The following ZNF469 variants were observed in gnomAD, a reference collection of about 807,000 sequenced individuals.
The protein encoded by ZNF469 is zinc finger protein 469.
ZNF469 carries 1 observed loss-of-function variant against 1.0 expected under a neutral mutation model. That is an observed-to-expected ratio of 1.00 (90% CI 0.35 to 4.73). ZNF469 has a LOEUF of 4.73. Ranked by LOEUF, ZNF469 falls within the 30% of genes most tolerant of loss-of-function variation. ZNF469 has a pLI of 0.16. For missense variants in ZNF469, 6,100 were observed against 5,356.3 expected, an observed-to-expected ratio of 1.14 and a Z score of -4.33; for synonymous variants, 2,703 against 2,363.4, an observed-to-expected ratio of 1.14 and a Z score of -4.17.
intron 1 of ZNF469, among the ~76,000 whole-genome samples, chr16:88,401,149 C>T (rs1270962031): frequency 1.3e-5 from 2 of 152,166 alleles, no homozygotes; most frequent in Non-Finnish European, 2.9e-5. Context: ...GTTTCTCTCT[C>T]CCATGGGACC....
chr16:88,170,505 A>G, the ZNF469 span, among the ~76,000 whole-genome samples: 1 of 152,186 alleles, frequency 6.6e-6, no homozygotes, highest in Non-Finnish European at 1.5e-5. This position sits in a 1 kb window ranked among gnomAD's most constrained non-coding sequence, Gnocchi z 4.2. Flanking sequence ...CAACTTTTTT[A>G]GATGCCACAT....
chr16:88,305,339 CTCACACACAT>C, the ZNF469 span, among the ~76,000 whole-genome samples: 1 of 151,158 alleles, frequency 6.6e-6, no homozygotes, highest in Non-Finnish European at 1.5e-5. Flanking sequence ...CACGCACACC[CTCACACACAT>C]GCACACACAT....
intron 1 of ZNF469, among the ~76,000 whole-genome samples, chr16:88,422,677 T>C (rs919822856): frequency 1.7e-5 from 2 of 121,202 alleles, no homozygotes; most frequent in Non-Finnish European, 3.4e-5. Flanking sequence ...GGTGGGTAGA[T>C]GGACAGATGG....
the ZNF469 span, among the ~76,000 whole-genome samples, chr16:88,224,701 G>A: frequency 6.6e-6 from 1 of 151,864 alleles, no homozygotes; most frequent in South Asian, 2.1e-4. Flanking sequence ...GTGTGTCTCT[G>A]TGTGTGTGTG....
the ZNF469 span, among the ~76,000 whole-genome samples, chr16:88,215,902 T>C: frequency 6.6e-6 from 1 of 152,174 alleles, no homozygotes; most frequent in Non-Finnish European, 1.5e-5. Context: ...AACCCCACAA[T>C]CCATTCCTAT....
chr16:88,227,724 G>C, the ZNF469 span, among the ~76,000 whole-genome samples: 1 of 152,126 alleles, frequency 6.6e-6, no homozygotes, highest in Non-Finnish European at 1.5e-5. Flanking sequence ...TGGAGACGTT[G>C]TTTCCCGTCA....
At chr16:88,127,972 G>C in the ZNF469 span, among the ~76,000 whole-genome samples, 1 of 152,224 alleles carries the variant, frequency 6.6e-6, no homozygotes, top group Non-Finnish European at 1.5e-5. Context: ...ACAGGCACGA[G>C]GCTTGCCTGT....
chr16:88,318,255 C>G, the ZNF469 span, among the ~76,000 whole-genome samples: 5 of 152,236 alleles, frequency 3.3e-5, no homozygotes, highest in African/African-American at 7.2e-5. Flanking sequence ...TGTGGGTATA[C>G]CAACTGCAAA....
the ZNF469 span, among the ~76,000 whole-genome samples, chr16:88,275,154 G>C: frequency 1.3e-5 from 2 of 152,152 alleles, no homozygotes; most frequent in African/African-American, 4.8e-5. Flanking sequence ...GTGGAGACGG[G>C]AGCCTGCCGC....
chr16:88,431,027 A>G lies in ZNF469; in HGVS notation c.3557A>G (p.Glu1186Gly), dbSNP rs1219799342. The G allele has an allele frequency of 6.5e-7, 1 of 1,545,392 alleles. No individual in the cohort carries two copies. Among genetic ancestry groups the G allele is most frequent in the Non-Finnish European group, 8.7e-7 (1 of 1,146,546 alleles). Residue 1186 changes from glutamate to glycine, a missense_variant, in exon 3 of 3, where the codon GAG (glutamate) becomes GGG (glycine). Transcript: ENST00000565624. Reference sequence around the variant, plus strand: ...CTGGAGACGGGAGCGGCCGCCAGGGAGGGAGGCCCCAAGTGTGCTGATCGC... The same window carrying G: ...CTGGAGACGGGAGCGGCCGCCAGGGGGGGAGGCCCCAAGTGTGCTGATCGC... ...RSLETGAAAR[E>G]GGPKCADRPS...
chr16:88,111,609 C>T, the ZNF469 span, among the ~76,000 whole-genome samples: 4 of 152,102 alleles, frequency 2.6e-5, no homozygotes, highest in Admixed American at 2.0e-4. Context: ...TTAGCTCCCA[C>T]GAATAAGTGA....
chr16:88,331,233 A>G, the ZNF469 span, among the ~76,000 whole-genome samples: 2 of 151,614 alleles, frequency 1.3e-5, no homozygotes, highest in Non-Finnish European at 1.5e-5. Context: ...CACCACCATC[A>G]CCACCATCAC....
chr16:88,300,110 C>G, the ZNF469 span, among the ~76,000 whole-genome samples: 1 of 152,228 alleles, frequency 6.6e-6, no homozygotes, highest in East Asian at 1.9e-4. Context: ...CCTTGATTGC[C>G]TGACCTGGGA....
At chr16:88,313,682 G>A in the ZNF469 span, among the ~76,000 whole-genome samples, 1 of 152,198 alleles carries the variant, frequency 6.6e-6, no homozygotes, top group Non-Finnish European at 1.5e-5. Flanking sequence ...TTAAGACAAT[G>A]CTGGTGTAGA....
the ZNF469 span, among the ~76,000 whole-genome samples, chr16:88,352,445 G>C: frequency 6.6e-6 from 1 of 152,174 alleles, no homozygotes; most frequent in East Asian, 1.9e-4. Flanking sequence ...CAGAGGGAGG[G>C]GTTGCCTGTG....
chr16:88,388,258 G>A (rs968520392), intron 1 of ZNF469, among the ~76,000 whole-genome samples: 4 of 152,264 alleles, frequency 2.6e-5, no homozygotes, highest in African/African-American at 9.6e-5. Context: ...GTGGGCCAGA[G>A]CCAGAGGCAG....
At chr16:88,282,999 C>T in the ZNF469 span, among the ~76,000 whole-genome samples, 1 of 152,186 alleles carries the variant, frequency 6.6e-6, no homozygotes, top group Non-Finnish European at 1.5e-5. Flanking sequence ...CCCAGCGATT[C>T]CCTCCGGAGT....
chr16:88,228,679 C>A, the ZNF469 span, among the ~76,000 whole-genome samples: 1 of 152,180 alleles, frequency 6.6e-6, no homozygotes, highest in East Asian at 1.9e-4. Context: ...CAAAAAGACA[C>A]CAAAGCCAGC....
chr16:88,205,657 A>G, the ZNF469 span, among the ~76,000 whole-genome samples: 7 of 152,188 alleles, frequency 4.6e-5, no homozygotes, highest in Non-Finnish European at 1.0e-4. This position sits in a 1 kb window ranked among gnomAD's most constrained non-coding sequence, Gnocchi z 4.2. Flanking sequence ...GCACAGTACA[A>G]GGCACGGATG....
Sources: gnomAD v4.1 joint callset for allele counts (sites outside exome capture counted in the v4.1 genomes callset) on GRCh38, gnomAD v4.1.1 for gene constraint, Gnocchi (gnomAD v3.1) non-coding constraint, MANE v1.5 for transcripts, NCBI Gene and HGNC (gene_info 2026-07-23, HGNC 2026-07-21) for gene names.